Variants in TBC1D19 observed in about 807,000 individuals in gnomAD.
The protein encoded by TBC1D19 is TBC1 domain family member 19, also known as TBC1 domain family, member 19.
A neutral mutation model predicts 89.0 loss-of-function variants in TBC1D19; 60 were observed. The observed-to-expected ratio is 0.67, with a 90% CI of 0.55 to 0.84. TBC1D19 has a LOEUF of 0.84. TBC1D19 is among the 40% of genes least tolerant of loss of function. TBC1D19 has a pLI of 0.00. For missense variants in TBC1D19, 500 were observed against 610.8 expected (o/e 0.82, Z 1.91); for synonymous variants, 189 against 199.7 (o/e 0.95, Z 0.45).
intron 11 of TBC1D19, among the ~76,000 whole-genome samples, chr4:26,679,226 G>T (rs1416468435): frequency 6.6e-6 from 1 of 152,112 alleles, no homozygotes; most frequent in East Asian, 1.9e-4. Context: ...AGGGAAAAAT[G>T]GTTTCCTGAG....
chr4:26,728,920 CAGG>C (rs1325483936), intron 15 of TBC1D19, among the ~76,000 whole-genome samples: 10 of 152,268 alleles, frequency 6.6e-5, no homozygotes, highest in Non-Finnish European at 8.8e-5. Flanking sequence ...AAGGCTGAGG[CAGG>C]AGAATGGCCT....
intron 18 of TBC1D19, 116 bp downstream of exon 18, chr4:26,742,715 TCCTA>T: frequency 1.5e-6 from 1 of 649,034 alleles, no homozygotes. Flanking sequence ...CTAACAGTTT[TCCTA>T]ATAAAACTAT....
chr4:26,611,649 G>A (rs979767845), intron 1 of TBC1D19, among the ~76,000 whole-genome samples: 9 of 152,124 alleles, frequency 5.9e-5, no homozygotes, highest in Non-Finnish European at 1.0e-4. Flanking sequence ...GGATTGCAAA[G>A]TTGTGATATT....
At chr4:26,637,025 A>G (rs889631626) in intron 4 of TBC1D19, among the ~76,000 whole-genome samples, 186 bp from the exon 5 acceptor site, 2 of 152,196 alleles carry the variant, frequency 1.3e-5, no homozygotes, top group African/African-American at 4.8e-5. Context: ...TGCTTAATTC[A>G]TAGCACAAAG....
the TBC1D19 span, among the ~76,000 whole-genome samples, chr4:26,770,491 G>A: frequency 6.6e-6 from 1 of 152,012 alleles, no homozygotes; most frequent in African/African-American, 2.4e-5. Context: ...GAATGAGTAA[G>A]TAGAAAAATC....
At chr4:26,603,830 A>G in intron 1 of TBC1D19, among the ~76,000 whole-genome samples, 1 of 152,224 alleles carries the variant, frequency 6.6e-6, no homozygotes, top group East Asian at 1.9e-4. Flanking sequence ...AAAAATGACC[A>G]TTTTAATCAG....
At chr4:26,672,086 G>A (rs1425291091) in intron 9 of TBC1D19, 63 bp from the exon 10 acceptor site, 1 of 780,788 alleles carries the variant, frequency 1.3e-6, no homozygotes, top group Non-Finnish European at 1.8e-6. Context: ...TGTATCTAAT[G>A]TTGTTCTAAA....
chr4:26,668,297 TTTAAAA>T (rs1204325201), intron 9 of TBC1D19, among the ~76,000 whole-genome samples: 6 of 152,172 alleles, frequency 3.9e-5, no homozygotes, highest in African/African-American at 1.4e-4. Context: ...CTTTGAGTTA[TTTAAAA>T]TTATTCTAAA....
At chr4:26,589,287 A>T (rs1003498992) in intron 1 of TBC1D19, among the ~76,000 whole-genome samples, 1 of 144,268 alleles carries the variant, frequency 6.9e-6, no homozygotes, top group Non-Finnish European at 1.5e-5. Context: ...AAACACAAAC[A>T]ACAACAACAA....
At chr4:26,792,535 G>A in the TBC1D19 span, among the ~76,000 whole-genome samples, 2 of 152,210 alleles carry the variant, frequency 1.3e-5, no homozygotes, top group Non-Finnish European at 1.5e-5. Context: ...TCAGGAAAAG[G>A]CCTTAAGGTG....
intron 1 of TBC1D19, among the ~76,000 whole-genome samples, chr4:26,601,042 G>A (rs969691075): frequency 2.6e-5 from 4 of 151,936 alleles, no homozygotes; most frequent in African/African-American, 4.8e-5. Context: ...AGGATATTTC[G>A]GGGATTGATG....
chr4:26,709,415 G>T (rs888843855), intron 13 of TBC1D19, among the ~76,000 whole-genome samples: 2 of 152,174 alleles, frequency 1.3e-5, no homozygotes, highest in Middle Eastern at 3.4e-3. Context: ...AGGGGAAGGG[G>T]CTTGCAACAA....
chr4:26,828,772 T>C, the TBC1D19 span, among the ~76,000 whole-genome samples: 1 of 152,214 alleles, frequency 6.6e-6, no homozygotes, highest in Non-Finnish European at 1.5e-5. Context: ...CCCTGATAAA[T>C]TAACAAATAC....
At chr4:26,833,848 A>G in the TBC1D19 span, among the ~76,000 whole-genome samples, 1 of 152,184 alleles carries the variant, frequency 6.6e-6, no homozygotes, top group African/African-American at 2.4e-5. Flanking sequence ...AGCTGTGGCT[A>G]TATGTTGGGC....
chr4:26,778,971 G>A, the TBC1D19 span, among the ~76,000 whole-genome samples: 1 of 152,148 alleles, frequency 6.6e-6, no homozygotes, highest in Non-Finnish European at 1.5e-5. Context: ...AATCTCTGGG[G>A]ATGGAGCATA....
chr4:26,637,274 C>T lies in TBC1D19; in HGVS notation c.358C>T (p.Leu120=), dbSNP rs1743193317. Reference sequence around the variant, plus strand: ...TATGTGCACTGAACTGAGTATCCCACTGGCACGAAAGGTACTTTTAAACAT... The same window carrying T: ...TATGTGCACTGAACTGAGTATCCCATTGGCACGAAAGGTACTTTTAAACAT... ...NSMCTELSIP[L]ARKRPVGEQK... is the part of the protein sequence containing the mutation. Residue 120 remains leucine, a synonymous_variant, in exon 5 of 21, where the codon CTG becomes TTG. Transcript: ENST00000264866. 1 of 1,608,724 alleles carries T rather than the reference C, an allele frequency of 6.2e-7. No homozygotes were observed. The highest frequency in any genetic ancestry group is 1.3e-5 in the African/African-American group (1 of 74,624).
At chr4:26,784,069 T>C in the TBC1D19 span, among the ~76,000 whole-genome samples, 1 of 152,182 alleles carries the variant, frequency 6.6e-6, no homozygotes, top group Non-Finnish European at 1.5e-5. Flanking sequence ...ACTAATCTTG[T>C]TGAGATTTTT....
chr4:26,724,837 A>C (rs778130462), intron 15 of TBC1D19, among the ~76,000 whole-genome samples: 12 of 152,220 alleles, frequency 7.9e-5, no homozygotes, highest in Non-Finnish European at 1.5e-4. Context: ...TCATGCCCCA[A>C]GTAGCTCCTA....
chr4:26,584,030 A>T, upstream of TBC1D19: 1 of 657,476 alleles, frequency 1.5e-6, no homozygotes, highest in Non-Finnish European at 2.6e-6. Flanking sequence ...GGGACCAGAG[A>T]GGGACGGACA....
Sources: allele counts gnomAD v4.1 joint callset (sites outside exome capture counted in the v4.1 genomes callset), GRCh38; gene constraint gnomAD v4.1.1; transcripts MANE v1.5; gene names NCBI Gene and HGNC (gene_info 2026-07-23, HGNC 2026-07-21).